The following SNX13 variants were observed in gnomAD, a reference collection of about 807,000 sequenced individuals.
SNX13 encodes sorting nexin 13, also known as sorting nexin-13.
SNX13 carries 45 observed loss-of-function variants against 133.6 expected under a neutral mutation model. That is an observed-to-expected ratio of 0.34 (90% confidence interval 0.27 to 0.43). SNX13 has a LOEUF of 0.43. Ranked by LOEUF, SNX13 falls within the 20% of genes least tolerant of loss-of-function variation. SNX13 has a pLI of 1.00. For synonymous variants in SNX13, 414 were observed against 373.9 expected, an observed-to-expected ratio of 1.11 and a Z score of -1.24; for missense variants, 1,032 against 1,145.1, an observed-to-expected ratio of 0.90 and a Z score of 1.43.
intron 1 of SNX13, among the ~76,000 whole-genome samples, chr7:17,907,050 G>T (rs183598838): frequency 1.3e-5 from 2 of 151,982 alleles, no homozygotes; most frequent in Non-Finnish European, 2.9e-5. Context: ...TTTTTGTATT[G>T]TGTTTATAAT....
intron 11 of SNX13, 132 bp downstream of exon 11, chr7:17,850,215 A>C: frequency 2.4e-6 from 1 of 418,924 alleles, no homozygotes; most frequent in Non-Finnish European, 4.1e-6. Context: ...GTAGAAGAGA[A>C]AACTCTTTTT....
rs1481085246 is a variant in SNX13, at chr7:17,793,594, A to G, written c.*451T>C. 2.6e-5 allele frequency: 4 copies of G among 153,618 alleles called. No homozygotes were observed. The highest frequency in any genetic ancestry group is 4.8e-5 in the African/African-American group (2 of 41,428). 9.5% of individuals were successfully genotyped at this position (153,618 alleles called of 1,614,324 possible). ...ATCCACAATATATCAAAATGCTGACAGACCTACAAAATCATTATGCCAAAC... is the reference window on the plus strand; with the variant it reads ...ATCCACAATATATCAAAATGCTGACGGACCTACAAAATCATTATGCCAAAC... On this transcript the variant is annotated 3_prime_UTR_variant, in exon 26 of 26. Coordinates refer to ENST00000428135, the MANE Select transcript of SNX13 (RefSeq NM_015132.5).
chr7:17,794,498 C>G, intron 25 of SNX13: 1 of 575,474 alleles, frequency 1.7e-6, no homozygotes, highest in Non-Finnish European at 3.0e-6. Context: ...GCAAAAGCTA[C>G]TGGGAGACAA....
At chr7:17,870,584 T>A (rs1793969655) in intron 8 of SNX13, among the ~76,000 whole-genome samples, 2 of 152,238 alleles carry the variant, frequency 1.3e-5, no homozygotes, top group Non-Finnish European at 1.5e-5. Context: ...TTTTCATTCA[T>A]GGCTCTTAGG....
intron 5 of SNX13, 124 bp downstream of exon 5, chr7:17,890,239 C>T (rs1796481569): frequency 2.4e-6 from 2 of 829,924 alleles, no homozygotes; most frequent in East Asian, 3.0e-5. Context: ...AGTTATCCCA[C>T]AGTAATAATC....
chr7:17,909,577 T>C (rs76850008), intron 1 of SNX13, among the ~76,000 whole-genome samples: 1,985 of 152,332 alleles, frequency 0.013, 18 homozygotes, highest in Non-Finnish European at 0.019. Flanking sequence ...TGGGTCGAGC[T>C]AGAAGCCATT....
At chr7:17,871,099 G>A (rs1465206319) in intron 8 of SNX13, among the ~76,000 whole-genome samples, 1 of 151,574 alleles carries the variant, frequency 6.6e-6, no homozygotes, top group Non-Finnish European at 1.5e-5. Context: ...TCCGCCTCCC[G>A]GGTTCATGCC....
chr7:17,815,199 T>A (rs780463634), intron 19 of SNX13, among the ~76,000 whole-genome samples: 3 of 152,180 alleles, frequency 2.0e-5, no homozygotes, highest in Non-Finnish European at 1.5e-5. Context: ...TGTCTGAACA[T>A]ATTTACTATT....
In SNX13 at chr7:17,890,489, A is replaced by G; in HGVS notation, c.319-5T>C. On this transcript the variant is annotated splice_region_variant and splice_polypyrimidine_tract_variant and intron_variant, in intron 4 of 25. Transcript: ENST00000428135. ...CCTCAAGGAAAACTGGATAACCTAT[A>G]ACAAAAATATTGGAAAAAAAATTAC... The G allele has an allele frequency of 1.3e-6, 2 of 1,553,530 alleles. No homozygotes were observed. Among genetic ancestry groups the G allele is most frequent in the South Asian group, 1.2e-5 (1 of 81,654 alleles).
At chr7:17,839,186 A>C (rs1789557764) in intron 13 of SNX13, among the ~76,000 whole-genome samples, 2 of 149,358 alleles carry the variant, frequency 1.3e-5, no homozygotes, top group South Asian at 4.2e-4. Flanking sequence ...GCTATAGATT[A>C]TATATATTCT....
intron 9 of SNX13, among the ~76,000 whole-genome samples, chr7:17,852,037 A>T (rs944242888): frequency 6.6e-6 from 1 of 152,220 alleles, no homozygotes; most frequent in African/African-American, 2.4e-5. Flanking sequence ...TAGGAAAAAA[A>T]ATCAACAAAC....
chr7:17,814,304 G>A (rs1406016087), intron 20 of SNX13, among the ~76,000 whole-genome samples: 2 of 152,112 alleles, frequency 1.3e-5, no homozygotes, highest in African/African-American at 2.4e-5. Context: ...ACAAAAGACT[G>A]CCTGATTTCA....
intron 16 of SNX13, 119 bp downstream of exon 16, chr7:17,829,891 T>C: frequency 1.6e-6 from 1 of 609,818 alleles, no homozygotes; most frequent in Non-Finnish European, 2.6e-6. Flanking sequence ...AATAACTTTT[T>C]ACAATACTAA....
chr7:17,819,681 A>C (rs1373423157), intron 18 of SNX13, among the ~76,000 whole-genome samples: 1 of 152,128 alleles, frequency 6.6e-6, no homozygotes, highest in Non-Finnish European at 1.5e-5. Context: ...TTTTTCTTCC[A>C]TTATTTTATA....
intron 24 of SNX13, among the ~76,000 whole-genome samples, chr7:17,797,455 T>G (rs1472856608): frequency 1.3e-5 from 2 of 151,884 alleles, no homozygotes; most frequent in Admixed American, 6.6e-5. Context: ...CCCATTCTTC[T>G]TAACTTTCAG....
chr7:17,867,073 T>C (rs1351169222), intron 9 of SNX13, among the ~76,000 whole-genome samples: 9 of 152,220 alleles, frequency 5.9e-5, no homozygotes, highest in Admixed American at 5.9e-4. Flanking sequence ...CACTTTAAAA[T>C]AACTTCTTAG....
At chr7:17,927,991 C>T (rs2128043784) in intron 1 of SNX13, among the ~76,000 whole-genome samples, 1 of 152,318 alleles carries the variant, frequency 6.6e-6, no homozygotes, top group Non-Finnish European at 1.5e-5. Flanking sequence ...ATCCATCTCT[C>T]ATTCATACAG....
intron 9 of SNX13, among the ~76,000 whole-genome samples, chr7:17,861,731 C>A (rs1792728816): frequency 6.6e-6 from 1 of 152,146 alleles, no homozygotes; most frequent in Non-Finnish European, 1.5e-5. Context: ...ATGTGGGCAG[C>A]CCACCCAAAG....
intron 13 of SNX13, among the ~76,000 whole-genome samples, chr7:17,838,226 G>T (rs1248421859): frequency 6.6e-6 from 1 of 151,834 alleles, no homozygotes; most frequent in Admixed American, 6.6e-5. Context: ...GGCAATCTGT[G>T]TCTAAAAATT....
Sources: allele counts gnomAD v4.1 joint callset (sites outside exome capture counted in the v4.1 genomes callset), GRCh38; gene constraint gnomAD v4.1.1; transcripts MANE v1.5; gene names NCBI Gene and HGNC (gene_info 2026-07-23, HGNC 2026-07-21).